Variants in GCN1 observed in about 807,000 individuals in gnomAD.
The protein encoded by GCN1 is GCN1 activator of EIF2AK4, also known as stalled ribosome sensor GCN1.
In GCN1, 90 loss-of-function variants were observed where a neutral mutation model predicts 288.4. The ratio of observed to expected loss-of-function variants is 0.31; its 90% CI spans 0.26 to 0.37. The LOEUF (loss-of-function observed/expected upper bound fraction) is 0.37. Ranked by LOEUF, GCN1 falls within the 10% of genes least tolerant of loss-of-function variation. The pLI, the probability that GCN1 is intolerant of heterozygous loss-of-function variation, is 1.00. For missense variants in GCN1, 2,586 were observed against 3,419.9 expected, an observed-to-expected ratio of 0.76 and a Z score of 6.08; for synonymous variants, 1,386 against 1,420.2, an observed-to-expected ratio of 0.98 and a Z score of 0.54.
chr12:120,162,739 T>A (rs1877969936), intron 20 of GCN1, 108 bp downstream of exon 20: 1 of 1,263,248 alleles, frequency 7.9e-7, no homozygotes, highest in Non-Finnish European at 1.1e-6. Flanking sequence ...GGTCCAAGCC[T>A]ACATTTCATC....
chr12:120,143,631 T>G (rs1279293693), intron 42 of GCN1, among the ~76,000 whole-genome samples: 1 of 152,154 alleles, frequency 6.6e-6, no homozygotes, highest in Non-Finnish European at 1.5e-5. Context: ...TGCTATATTT[T>G]TAAATCAACC....
In GCN1 at chr12:120,145,045, G is replaced by C. The variant is rs1877320246; in HGVS notation, c.5033C>G (p.Ala1678Gly). 6.2e-7 allele frequency: 1 copy of C among 1,613,914 alleles called. No homozygotes were observed. The highest frequency in any genetic ancestry group is 1.3e-5 in the African/African-American group (1 of 74,952). Residue 1678 changes from alanine (A) to glycine (G), a missense_variant, in exon 40 of 58, where the codon GCA becomes GGA. Physicochemically the swap from Ala to Gly is moderately conservative, Grantham distance 60 (BLOSUM62 0). This residue lies in a region of GCN1 where 371 missense variants were observed against 572.6 expected (regional missense o/e 0.65). Coordinates refer to ENST00000300648, the MANE Select transcript of GCN1 (RefSeq NM_006836.2). ...DPVPEVRTVS[A>G]KALGAMVKGM... ...CTTCACCATGGCCCCAAGGGCCTTT[G>C]CAGATACGGTCCGCACCTGTCAGGT...
In GCN1 at chr12:120,148,309, A is replaced by G; in HGVS notation, c.4584T>C (p.Ala1528=). The G allele has an allele frequency of 6.2e-7, 1 of 1,614,074 alleles. No homozygotes were observed. The highest frequency in any genetic ancestry group is 8.5e-7 in the Non-Finnish European group (1 of 1,179,956). Residue 1528 remains alanine (A), a synonymous_variant, in exon 37 of 58, where the codon GCT becomes GCC. Coordinates refer to ENST00000300648, the MANE Select transcript of GCN1 (RefSeq NM_006836.2). ...VELLGAMAYC[A]PKQLSSCLPN... ...GTAGACAGGATGACAGCTGCTTAGG[A>G]GCACAGTACGCCATTGCCCCAAGAA...
In GCN1 at chr12:120,162,074, A is replaced by G. The variant is rs1877950077; in HGVS notation, c.2164-16T>C. The G allele has an allele frequency of 1.2e-6, 2 of 1,609,490 alleles. No individual in the cohort carries two copies. Among genetic ancestry groups the G allele is most frequent in the Non-Finnish European group, 1.7e-6 (2 of 1,179,222 alleles). On this transcript the variant is annotated splice_polypyrimidine_tract_variant and intron_variant, in intron 20 of 57. Coordinates refer to ENST00000300648, the MANE Select transcript of GCN1 (RefSeq NM_006836.2). Reference sequence around the variant, plus strand: ...TCATGGAGGACTGCCAGACAAACGCAGACATGGTCAGTGTGTGCCAAGGCT... The same window carrying G: ...TCATGGAGGACTGCCAGACAAACGCGGACATGGTCAGTGTGTGCCAAGGCT...
At position 120,138,431 on chromosome 12, in the gene GCN1, G is replaced by T. The variant is rs752884377; in HGVS notation, c.6157-16C>A. 6.6e-7 allele frequency: 1 copy of T among 1,519,388 alleles called. No homozygotes were observed. Among genetic ancestry groups the T allele is most frequent in the Admixed American group, 1.7e-5 (1 of 59,910 alleles). 94.1% of individuals were successfully genotyped at this position (1,519,388 alleles called of 1,614,324 possible). A position where few individuals can be genotyped will look rare whatever the true frequency, so the allele number is the denominator to read the frequency against. On this transcript the variant is annotated splice_polypyrimidine_tract_variant and intron_variant, in intron 46 of 57. Transcript: ENST00000300648. ...CCTCGTCATCCTGCAGAGGGTGTTG[G>T]GGACAACCCTGAGGAATCTGCATCT...
chr12:120,143,375 G>A (rs1032837850), intron 42 of GCN1, among the ~76,000 whole-genome samples: 1 of 152,110 alleles, frequency 6.6e-6, no homozygotes, highest in Non-Finnish European at 1.5e-5. Context: ...CTGAGGTCGG[G>A]GGTTCGAGAC....
intron 46 of GCN1, 50 bp downstream of exon 46, chr12:120,138,643 CAA>C (rs957914192): frequency 8.3e-6 from 13 of 1,562,654 alleles, no homozygotes; most frequent in African/African-American, 1.4e-5. Flanking sequence ...TTTCCATCTA[CAA>C]AGACGGCAAA....
chr12:120,131,559 C>A (rs891981819), intron 54 of GCN1, among the ~76,000 whole-genome samples: 1 of 152,228 alleles, frequency 6.6e-6, no homozygotes, highest in Non-Finnish European at 1.5e-5. Context: ...TCCGGGCTTA[C>A]AGCTGTGTTC....
In GCN1 at chr12:120,158,358, A is replaced by G. The variant is rs1245088665; in HGVS notation, c.2905+102T>C. ...ATTCAGAAATCCTCCATATGGTCCA[A>G]TCCCCCAGGCTCAGGAGGCCCTGGG... is the stretch of plus-strand genomic sequence containing the variant. On this transcript the variant is annotated intron_variant, in intron 25 of 57. Coordinates refer to ENST00000300648, the MANE Select transcript of GCN1 (RefSeq NM_006836.2). The surrounding 1 kb of genome is among the most constrained non-coding windows in gnomAD (Gnocchi z 4.3). 2.0e-6 allele frequency: 2 copies of G among 990,860 alleles called. No homozygotes were observed. The highest frequency in any genetic ancestry group is 2.8e-5 in the Admixed American group (1 of 35,734). The allele number at this position is 990,860 out of a possible 1,614,324, so 61.4% of individuals were successfully genotyped here. A position where few individuals can be genotyped will look rare whatever the true frequency, so the allele number is the denominator to read the frequency against.
chr12:120,184,181 T>C lies in GCN1; in HGVS notation c.248A>G (p.Glu83Gly), dbSNP rs1878750829. The C allele has an allele frequency of 6.2e-7, 1 of 1,613,744 alleles. No homozygotes were observed. The highest frequency in any genetic ancestry group is 8.5e-7 in the Non-Finnish European group (1 of 1,179,752). The change falls in exon 4 of 58, where the codon GAA becomes GGA. Residue 83 changes from glutamate to glycine, a missense_variant. Glu to Gly is a moderately conservative substitution (Grantham distance 98, BLOSUM62 -2). This residue lies in a region of GCN1 where 913 missense variants were observed against 1,107.0 expected (regional missense o/e 0.82). Transcript: ENST00000300648. ...GTGTAGAAGGTTCTTAGCAGTGGCT[T>C]CTGGCTGGGCCTCAGCCAACTGCTG... is the stretch of plus-strand genomic sequence containing the variant. ...AIQQLAEAQP[E>G]ATAKNLLHSL...
intron 33 of GCN1, among the ~76,000 whole-genome samples, chr12:120,151,904 C>T (rs4421804): frequency 7.2e-5 from 11 of 152,334 alleles, no homozygotes; most frequent in Admixed American, 5.2e-4. Flanking sequence ...GCAGCAACCC[C>T]GAGGCCATGC....
chr12:120,161,624 C>A (rs1039185815), intron 21 of GCN1, 41 bp from the exon 22 acceptor site: 1 of 1,445,440 alleles, frequency 6.9e-7, no homozygotes, highest in Middle Eastern at 1.8e-4. Flanking sequence ...TTGAAAAGCA[C>A]CGCAAGTCCT....
At position 120,157,895 on chromosome 12, in the gene GCN1, G is replaced by T. The variant is rs1359729532; in HGVS notation, c.3041C>A (p.Ala1014Asp). The change falls in exon 26 of 58, where the codon GCC (alanine) becomes GAC (aspartate). Residue 1014 changes from alanine (A) to aspartate (D), a missense_variant. Ala to Asp is a moderately radical substitution (Grantham distance 126). Transcript: ENST00000300648. ...GGTGTTGGGGGAGGCCCTCAGCTGGGCTTGGACAGTGAGGATCTGAAGAAT... is the reference window on the plus strand; with the variant it reads ...GGTGTTGGGGGAGGCCCTCAGCTGGTCTTGGACAGTGAGGATCTGAAGAAT... The part of the protein sequence containing the change: ...AQILQILTVQ[A>D]QLRASPNTPP... 6.2e-7 allele frequency: 1 copy of T among 1,613,880 alleles called. No individual in the cohort carries two copies. The highest frequency in any genetic ancestry group is 8.5e-7 in the Non-Finnish European group (1 of 1,180,036).
At chr12:120,163,287 G>A in intron 18 of GCN1, 28 bp from the exon 19 acceptor site, 1 of 1,573,148 alleles carries the variant, frequency 6.4e-7, no homozygotes, top group Non-Finnish European at 8.7e-7. Flanking sequence ...AGATAATACT[G>A]CTAAGAGCCC....
In GCN1 at chr12:120,129,390, G is replaced by A. The variant is rs371736210; in HGVS notation, c.7776C>T (p.Pro2592=). Residue 2592 remains proline (P), a synonymous_variant, in exon 57 of 58, where the codon CCC becomes CCT. Transcript: ENST00000300648. ...TGTTGTCAAGAAGAGCCTTCAGGAT[G>A]GGCTTGATGGCCTGGGGGTCCAGGG... ...LPPLDPQAIK[P]ILKALLDNTK... The A allele has an allele frequency of 2.8e-5, 45 of 1,613,642 alleles. No individual in the cohort carries two copies. In the African/African-American group the frequency reaches 6.0e-4, roughly 22 times the overall value.
intron 53 of GCN1, among the ~76,000 whole-genome samples, chr12:120,133,609 G>C (rs1876901742): frequency 6.6e-6 from 1 of 152,144 alleles, no homozygotes; most frequent in South Asian, 2.1e-4. Flanking sequence ...GCACCTCTGG[G>C]ATAGGCCCTT....
rs536981040 is a variant in GCN1 at position 120,142,526 on chromosome 12, G to T, written c.5810C>A (p.Thr1937Lys). ...ACTCACCGTTCTCTTATCTGCACACGTGCTGGCCAGGAAACCCAGCAGGAG... is the reference window on the plus strand; with the variant it reads ...ACTCACCGTTCTCTTATCTGCACACTTGCTGGCCAGGAAACCCAGCAGGAG... ...FGLLLGFLAS[T>K]CADKRTIAAR... is the part of the protein sequence containing the mutation. The change falls in exon 44 of 58, where the codon ACG (threonine) becomes AAG (lysine). Residue 1937 changes from threonine (T) to lysine (K), a missense_variant. Transcript: ENST00000300648. This position sits in a 1 kb window ranked among gnomAD's most constrained non-coding sequence, Gnocchi z 4.9. 1 of 1,613,604 alleles carries T rather than the reference G, an allele frequency of 6.2e-7. No homozygotes were observed. Among genetic ancestry groups the T allele is most frequent in the South Asian group, 1.1e-5 (1 of 91,078 alleles).
rs1035850108 is a variant in GCN1 at position 120,168,448 on chromosome 12, C to T, written c.1520-148G>A. 56 of 628,954 alleles carry T rather than the reference C, an allele frequency of 8.9e-5. 1 individual carries two copies. In the South Asian group the frequency reaches 9.8e-4, roughly 11 times the overall value. The allele number at this position is 628,954 out of a possible 1,614,324, so 39.0% of individuals were successfully genotyped here. Reference sequence around the variant, plus strand: ...AGTGCTCTTCCATTTGGGGAACTGACCTCAGTCCTTCTGGTATCACCTCCT... The same window carrying T: ...AGTGCTCTTCCATTTGGGGAACTGATCTCAGTCCTTCTGGTATCACCTCCT... On this transcript the variant is annotated intron_variant, in intron 15 of 57. Coordinates refer to ENST00000300648, the MANE Select transcript of GCN1 (RefSeq NM_006836.2).
chr12:120,176,115 TG>T (rs1878474137), intron 10 of GCN1, 27 bp downstream of exon 10: 2 of 1,533,082 alleles, frequency 1.3e-6, no homozygotes, highest in Non-Finnish European at 9.0e-7. Context: ...GTGACACTTA[TG>T]GGCTGGAGAG....
Sources: gnomAD v4.1 joint callset for allele counts (sites outside exome capture counted in the v4.1 genomes callset) on GRCh38, gnomAD v4.1.1 for gene constraint, gnomAD v4.1.1 regional missense constraint, Gnocchi (gnomAD v3.1) non-coding constraint, MANE v1.5 for transcripts, NCBI Gene and HGNC (gene_info 2026-07-23, HGNC 2026-07-21) for gene names.